FRMPD3: variants seen among roughly 807,000 people sequenced by gnomAD.
FRMPD3 encodes the protein FERM and PDZ domain-containing protein 3.
Under a neutral mutation model 97.9 loss-of-function variants are expected in FRMPD3, and 42 were observed. The ratio of observed to expected loss-of-function variants is 0.43; its 90% CI spans 0.34 to 0.55. The LOEUF (loss-of-function observed/expected upper bound fraction) is 0.55. Ranked by LOEUF, FRMPD3 falls within the 20% of genes least tolerant of loss-of-function variation. FRMPD3 has a pLI of 0.03. For synonymous variants in FRMPD3, 577 were observed against 581.1 expected (o/e 0.99, Z 0.10); for missense variants, 1,303 against 1,457.7 (o/e 0.89, Z 1.73).
At chrX:107,547,628 A>G (rs1291723352) in intron 5 of FRMPD3, among the ~76,000 whole-genome samples, 1 of 111,147 alleles carries the variant, frequency 9.0e-6, no homozygotes, top group Admixed American at 9.5e-5. Flanking sequence ...TGCACTCGTG[A>G]AATTACCTGG....
intron 13 of FRMPD3, among the ~76,000 whole-genome samples, chrX:107,590,063 G>A (rs1205045151): frequency 8.9e-6 from 1 of 112,320 alleles, no homozygotes; most frequent in Admixed American, 9.4e-5. Flanking sequence ...GCTGAGGCAG[G>A]GGAATCGCTT....
At chrX:107,576,164 C>T (rs1487389860) in intron 12 of FRMPD3, 151 bp from the exon 13 acceptor site, 1 of 528,432 alleles carries the variant, frequency 1.9e-6, no homozygotes, top group East Asian at 3.4e-5. Context: ...TCAGAATAAA[C>T]TATTTGTCAA....
At chrX:107,450,850 C>T (rs1931275380) in intron 1 of FRMPD3, among the ~76,000 whole-genome samples, 1 of 109,688 alleles carries the variant, frequency 9.1e-6, no homozygotes, top group Admixed American at 9.6e-5. Flanking sequence ...ACTGCAGATC[C>T]AGTACCTGCT....
At chrX:107,519,679 G>T (rs964211541) in intron 1 of FRMPD3, among the ~76,000 whole-genome samples, 4 of 111,469 alleles carry the variant, frequency 3.6e-5, no homozygotes, top group South Asian at 3.8e-4. Flanking sequence ...GAGAGTGGTA[G>T]AGGTGGGCGG....
intron 14 of FRMPD3, among the ~76,000 whole-genome samples, chrX:107,598,349 C>G (rs917411635): frequency 8.9e-6 from 1 of 112,285 alleles, no homozygotes; most frequent in Non-Finnish European, 1.9e-5. Context: ...AGTTCTGGCT[C>G]TCGTCATTGC....
At chrX:107,541,656 G>A (rs1412193176) in intron 4 of FRMPD3, among the ~76,000 whole-genome samples, 4 of 112,055 alleles carry the variant, frequency 3.6e-5, no homozygotes, top group Non-Finnish European at 7.5e-5. Context: ...CTTTGGTAGG[G>A]ATAGCAAGGA....
At chrX:107,527,408 C>A (rs1922738437) in intron 2 of FRMPD3, among the ~76,000 whole-genome samples, 2 of 112,330 alleles carry the variant, frequency 1.8e-5, no homozygotes, top group South Asian at 7.5e-4. Flanking sequence ...GAAACTGAGG[C>A]ATAATGAAAG....
intron 13 of FRMPD3, among the ~76,000 whole-genome samples, chrX:107,586,616 T>G (rs1292697093): frequency 8.9e-6 from 1 of 111,770 alleles, no homozygotes; most frequent in Admixed American, 9.6e-5. Flanking sequence ...TAACATTGCT[T>G]TAGCTGTGTC....
intron 13 of FRMPD3, among the ~76,000 whole-genome samples, chrX:107,590,564 TTA>T (rs1923858181): frequency 8.9e-6 from 1 of 112,812 alleles, no homozygotes; most frequent in South Asian, 3.6e-4. Flanking sequence ...ATGTTTTTAT[TTA>T]TGTTTTTGTG....
Position 107,565,066 on chromosome X carries a change from G to T in FRMPD3, c.1296G>T (p.Lys432Asn). The T allele has an allele frequency of 8.5e-7, 1 of 1,171,761 alleles. No individual in the cohort carries two copies. Among genetic ancestry groups the T allele is most frequent in the Non-Finnish European group, 1.1e-6 (1 of 875,592 alleles). ...TGGAGACCAGCATCATGGATGCCAA[G>T]GTAAGCCCTGCTTTGAGGGCCTCCT... is the stretch of plus-strand genomic sequence containing the variant. ...ARVETSIMDA[K>N]PLVLLMEWPE... Residue 432 changes from lysine (K) to asparagine (N), a missense_variant and splice_region_variant, in exon 12 of 15, where the codon AAG becomes AAT. Lys to Asn is a moderately conservative substitution (Grantham distance 94). Coordinates refer to ENST00000683843, the MANE Select transcript of FRMPD3 (RefSeq NM_001388459.1).
chrX:107,584,394 G>A (rs1923549136), intron 13 of FRMPD3, among the ~76,000 whole-genome samples: 1 of 111,309 alleles, frequency 9.0e-6, no homozygotes, highest in Non-Finnish European at 1.9e-5. Context: ...TCTGTAGGTT[G>A]CCTGTTCACT....
chrX:107,516,413 AT>A (rs1922333168), intron 1 of FRMPD3, among the ~76,000 whole-genome samples: 1 of 111,547 alleles, frequency 9.0e-6, no homozygotes, highest in Non-Finnish European at 1.9e-5. Context: ...GATGGGTCAA[AT>A]GGTATTTCTA....
chrX:107,461,113 C>T lies in FRMPD3; in HGVS notation c.-8+11108C>T, dbSNP rs764494004. Among the ~76,000 whole-genome samples, 9 of 112,101 alleles carry T rather than the reference C, an allele frequency of 8.0e-5. 1 individual carries two copies. The highest frequency in any genetic ancestry group is 2.9e-4 in the African/African-American group (9 of 30,878). Reference sequence around the variant, plus strand: ...CGCTTTAGAGATTTCCACACTTAGTCTAAATATAGCTTGTCCTGCTTTGGA... The same window carrying T: ...CGCTTTAGAGATTTCCACACTTAGTTTAAATATAGCTTGTCCTGCTTTGGA... On this transcript the variant is annotated intron_variant, in intron 1 of 14. Coordinates refer to ENST00000683843, the MANE Select transcript of FRMPD3 (RefSeq NM_001388459.1).
chrX:107,515,361 T>C (rs1922285215), intron 1 of FRMPD3, among the ~76,000 whole-genome samples: 2 of 110,879 alleles, frequency 1.8e-5, no homozygotes, highest in African/African-American at 6.6e-5. Context: ...GAGAGGAGAA[T>C]GTTTCGGCAA....
chrX:107,577,840 T>A (rs1923200307), intron 13 of FRMPD3, among the ~76,000 whole-genome samples: 1 of 111,396 alleles, frequency 9.0e-6, no homozygotes, highest in Non-Finnish European at 1.9e-5. Flanking sequence ...CATGACATTG[T>A]CCATAGGAAC....
At chrX:107,567,396 A>C (rs1348627495) in intron 12 of FRMPD3, among the ~76,000 whole-genome samples, 2 of 112,537 alleles carry the variant, frequency 1.8e-5, no homozygotes, top group African/African-American at 6.5e-5. Context: ...GCAAAACATC[A>C]GTAAAGAAAA....
intron 2 of FRMPD3, among the ~76,000 whole-genome samples, chrX:107,530,068 AG>A (rs1336300054): frequency 8.9e-6 from 1 of 112,333 alleles, no homozygotes; most frequent in African/African-American, 3.2e-5. Context: ...AGGCAGACTT[AG>A]CATTCTGTGT....
intron 1 of FRMPD3, among the ~76,000 whole-genome samples, chrX:107,508,354 T>G (rs765485324): frequency 8.9e-5 from 10 of 112,405 alleles, no homozygotes; most frequent in South Asian, 3.8e-4. Flanking sequence ...CCGAGTGCGC[T>G]ATAACAAGAC....
chrX:107,533,660 A>G (rs1923084856), intron 4 of FRMPD3, 110 bp downstream of exon 4: 1 of 651,842 alleles, frequency 1.5e-6, no homozygotes, highest in East Asian at 3.3e-5. Flanking sequence ...TACAACCAAC[A>G]TATGAGCCAA....
Sources: allele counts gnomAD v4.1 joint callset (sites outside exome capture counted in the v4.1 genomes callset), GRCh38; gene constraint gnomAD v4.1.1; transcripts MANE v1.5; gene names NCBI Gene and HGNC (gene_info 2026-07-23, HGNC 2026-07-21).